Variants in KAZN observed in about 807,000 individuals in gnomAD.
The protein encoded by KAZN is kazrin.
KAZN carries 40 observed loss-of-function variants against 87.4 expected under a neutral mutation model. That is an observed-to-expected ratio of 0.46 (90% CI 0.36 to 0.60). The LOEUF is 0.60. Ranked by LOEUF, KAZN falls within the 20% of genes least tolerant of loss-of-function variation. The pLI is 0.00. For missense variants in KAZN, 898 were observed against 1,073.9 expected, an observed-to-expected ratio of 0.84 and a Z score of 2.29; for synonymous variants, 466 against 458.3, an observed-to-expected ratio of 1.02 and a Z score of -0.22.
chr1:14,288,252 C>T (rs534681727), intron 2 of KAZN, among the ~76,000 whole-genome samples: 105 of 152,198 alleles, frequency 6.9e-4, no homozygotes, highest in African/African-American at 2.4e-3. Context: ...TCAGAAGGAA[C>T]GGTACCAGCT....
intron 4 of KAZN, among the ~76,000 whole-genome samples, chr1:15,051,452 C>T (rs1674396144): frequency 6.6e-6 from 1 of 152,228 alleles, no homozygotes; most frequent in Non-Finnish European, 1.5e-5. Context: ...TATGGCTGCT[C>T]TGAGACAGTG....
At chr1:14,233,745 C>A (rs1648094645) in intron 2 of KAZN, among the ~76,000 whole-genome samples, 1 of 152,194 alleles carries the variant, frequency 6.6e-6, no homozygotes, top group African/African-American at 2.4e-5. Context: ...CACAGTGTGT[C>A]TTTTGTATGC....
intron 1 of KAZN, among the ~76,000 whole-genome samples, chr1:14,785,660 T>C (rs1473863728): frequency 6.6e-6 from 1 of 152,198 alleles, no homozygotes; most frequent in Non-Finnish European, 1.5e-5. Context: ...ATTTACCCCG[T>C]CTAAGCCTCA....
At chr1:14,715,944 G>A (rs1642771204) in intron 1 of KAZN, among the ~76,000 whole-genome samples, 1 of 152,184 alleles carries the variant, frequency 6.6e-6, no homozygotes, top group African/African-American at 2.4e-5. Context: ...TTCTAAGGAT[G>A]GGGGTGAAAG....
intron 1 of KAZN, among the ~76,000 whole-genome samples, chr1:14,947,177 G>A (rs914860735): frequency 1.3e-5 from 2 of 152,210 alleles, no homozygotes; most frequent in Admixed American, 6.5e-5. Flanking sequence ...TGAGCTTTGG[G>A]CTCCCTGTGT....
chr1:13,953,455 GGTT>G (rs1641428777), intron 1 of KAZN, among the ~76,000 whole-genome samples: 2 of 152,136 alleles, frequency 1.3e-5, no homozygotes, highest in African/African-American at 4.8e-5. Flanking sequence ...AAAATTGAAT[GGTT>G]GTTTGTCTGA....
Position 15,114,842 on chromosome 1 carries a change from T to G in KAZN, c.*207T>G. The G allele has an allele frequency of 2.0e-6, 1 of 502,734 alleles. No individual in the cohort carries two copies. The highest frequency in any genetic ancestry group is 3.1e-5 in the South Asian group (1 of 32,346). 31.1% of individuals were successfully genotyped at this position (502,734 alleles called of 1,614,324 possible). ...CAGCCCACCTGTCTTGGGTGGGCCA[T>G]GGACTTTCCTGTTCAGCTGGAGATG... On this transcript the variant is annotated 3_prime_UTR_variant, in exon 15 of 15. Coordinates refer to ENST00000376030, the MANE Select transcript of KAZN (RefSeq NM_201628.3).
rs544507396 is a variant in KAZN, at chr1:13,908,580, G to A, written c.91+14824G>A. ...TGGCAGTTGGAAACGGAAACTTGGAGCCGTGTCGAAGCCAGATGGCAGCCA... is the reference window on the plus strand; with the variant it reads ...TGGCAGTTGGAAACGGAAACTTGGAACCGTGTCGAAGCCAGATGGCAGCCA... On this transcript the variant is annotated intron_variant, in intron 1 of 16. Coordinates refer to the KAZN transcript ENST00000636203. Among the ~76,000 whole-genome samples, 28 of 152,354 alleles carry A rather than the reference G, an allele frequency of 1.8e-4. 1 individual carries two copies. The highest frequency in any genetic ancestry group is 6.5e-4 in the African/African-American group (27 of 41,578).
chr1:14,253,785 C>T (rs1463809313), intron 2 of KAZN, among the ~76,000 whole-genome samples: 1 of 152,086 alleles, frequency 6.6e-6, no homozygotes, highest in Non-Finnish European at 1.5e-5. Flanking sequence ...AAATAGGCCT[C>T]GGACTTCCTT....
intron 1 of KAZN, among the ~76,000 whole-genome samples, chr1:14,868,060 A>AGCATCACATACGCAG (rs146600193): frequency 2.0e-5 from 3 of 151,406 alleles, no homozygotes; most frequent in African/African-American, 7.3e-5. Context: ...ACATACGCAC[A>AGCATCACATACGCAG]GCATTGCATA....
intron 1 of KAZN, among the ~76,000 whole-genome samples, chr1:14,862,480 G>A (rs1173539232): frequency 6.6e-6 from 1 of 152,156 alleles, no homozygotes; most frequent in Non-Finnish European, 1.5e-5. Flanking sequence ...TAATTGCTTT[G>A]GATTGATTTT....
intron 2 of KAZN, among the ~76,000 whole-genome samples, chr1:14,446,176 A>G (rs1204500116): frequency 1.3e-5 from 2 of 152,206 alleles, no homozygotes; most frequent in African/African-American, 4.8e-5. Context: ...AGCCTGGGCC[A>G]CAGAGCAAGA....
chr1:14,726,405 G>A lies in KAZN; in HGVS notation c.226+127182G>A, dbSNP rs139817991. Among the ~76,000 whole-genome samples the A allele has an allele frequency of 4.5e-4, 69 of 152,332 alleles. 1 individual carries two copies. The highest frequency in any genetic ancestry group is 1.3e-3 in the Admixed American group (20 of 15,306). On this transcript the variant is annotated intron_variant, in intron 1 of 14. Coordinates refer to ENST00000376030, the MANE Select transcript of KAZN (RefSeq NM_201628.3). ...CAGAAGGAAGCGTCCCCTGGGAGAC[G>A]CGTTCCCAGCATCTCAGCAGGTGTG...
intron 1 of KAZN, among the ~76,000 whole-genome samples, chr1:14,680,850 C>A (rs186823379): frequency 4.6e-5 from 7 of 152,172 alleles, no homozygotes. Context: ...TAAGGAAATA[C>A]GTGAGACTCG....
chr1:14,040,960 T>C (rs762484023), intron 1 of KAZN, among the ~76,000 whole-genome samples: 1 of 152,164 alleles, frequency 6.6e-6, no homozygotes, highest in Non-Finnish European at 1.5e-5. Flanking sequence ...TTAAAATAAT[T>C]TTTATTTTAA....
At chr1:14,294,569 T>C (rs1436855347) in intron 2 of KAZN, among the ~76,000 whole-genome samples, 1 of 151,184 alleles carries the variant, frequency 6.6e-6, no homozygotes, top group African/African-American at 2.4e-5. Flanking sequence ...AGGAAAGACC[T>C]GAAATTCACA....
intron 2 of KAZN, among the ~76,000 whole-genome samples, chr1:14,450,034 A>T (rs1170918920): frequency 6.6e-6 from 1 of 152,088 alleles, no homozygotes; most frequent in Non-Finnish European, 1.5e-5. Flanking sequence ...TTGGTGCTCC[A>T]ATTTGCTCAC....
intron 2 of KAZN, among the ~76,000 whole-genome samples, chr1:14,462,433 T>C (rs930688548): frequency 2.0e-5 from 3 of 152,134 alleles, no homozygotes; most frequent in Non-Finnish European, 4.4e-5. Flanking sequence ...AACATTTTAA[T>C]TAACCCCACT....
At chr1:15,034,993 T>G in intron 3 of KAZN, 108 bp downstream of exon 3, 6 of 1,360,208 alleles carry the variant, frequency 4.4e-6, no homozygotes, top group Non-Finnish European at 5.1e-6. Context: ...CAAACACAGA[T>G]AGGGAGGCCC....
Sources: gnomAD v4.1 joint callset for allele counts (sites outside exome capture counted in the v4.1 genomes callset) on GRCh38, gnomAD v4.1.1 for gene constraint, MANE v1.5 for transcripts, NCBI Gene and HGNC (gene_info 2026-07-23, HGNC 2026-07-21) for gene names.